ZDHHC13: variants seen among roughly 807,000 people sequenced by gnomAD.
ZDHHC13 encodes the protein palmitoyltransferase ZDHHC13.
A neutral mutation model predicts 86.0 loss-of-function variants in ZDHHC13; 85 were observed. The ratio of observed to expected loss-of-function variants is 0.99; its 90% confidence interval spans 0.83 to 1.18. The LOEUF (loss-of-function observed/expected upper bound fraction) is 1.18, where lower values mean the gene tolerates loss of function less well. Ranked by LOEUF, ZDHHC13 falls within the 50% of genes most tolerant of loss-of-function variation. The pLI, the probability that ZDHHC13 is intolerant of heterozygous loss-of-function variation, is 0.00. For missense variants in ZDHHC13, 711 were observed against 730.2 expected (o/e 0.97, Z 0.30); for synonymous variants, 263 against 246.4 (o/e 1.07, Z -0.63).
At chr11:19,141,607 A>T (rs192918702) in intron 1 of ZDHHC13, among the ~76,000 whole-genome samples, 2 of 152,072 alleles carry the variant, frequency 1.3e-5, no homozygotes, top group East Asian at 3.9e-4. Context: ...AGGCTGTAGT[A>T]ATGGAAAGGA....
chr11:19,140,642 A>C (rs1451607896), intron 1 of ZDHHC13, among the ~76,000 whole-genome samples: 1 of 152,124 alleles, frequency 6.6e-6, no homozygotes, highest in African/African-American at 2.4e-5. Flanking sequence ...CATTATTCAC[A>C]ATAGTGAAGA....
At position 19,164,268 on chromosome 11, in the gene ZDHHC13, A is replaced by G. The variant is rs779580789; in HGVS notation, c.1234-33A>G. ...CATGCATAATACATTTTCCAATAAA[A>G]TGTGGTAATAGGTCAAACTTCATGT... is the stretch of plus-strand genomic sequence containing the variant. On this transcript the variant is annotated intron_variant, in intron 11 of 16. Coordinates refer to ENST00000446113, the MANE Select transcript of ZDHHC13 (RefSeq NM_019028.3). 5.0e-6 allele frequency: 8 copies of G among 1,608,272 alleles called. No homozygotes were observed. The South Asian group carries it at 7.7e-5, about 16-fold the overall frequency.
intron 14 of ZDHHC13, 51 bp downstream of exon 14, chr11:19,166,436 A>G: frequency 6.9e-7 from 1 of 1,451,812 alleles, no homozygotes; most frequent in Non-Finnish European, 9.5e-7. Flanking sequence ...ACCCATTTCT[A>G]CTTTTCCTTG....
At chr11:19,149,135 CTT>C in intron 4 of ZDHHC13, 50 bp from the exon 5 acceptor site, 2 of 1,407,062 alleles carry the variant, frequency 1.4e-6, no homozygotes, top group Non-Finnish European at 1.9e-6. Flanking sequence ...CTCTCCCTGA[CTT>C]TTTGCTTTTT....
chr11:19,166,116 T>G (rs1382440928), intron 13 of ZDHHC13, among the ~76,000 whole-genome samples, 186 bp from the exon 14 acceptor site: 2 of 152,238 alleles, frequency 1.3e-5, no homozygotes, highest in Non-Finnish European at 2.9e-5. Flanking sequence ...TCAGTTAACA[T>G]GGACAATTGA....
intron 11 of ZDHHC13, among the ~76,000 whole-genome samples, chr11:19,163,967 G>A (rs142831736): frequency 4.6e-5 from 7 of 152,168 alleles, no homozygotes; most frequent in African/African-American, 1.4e-4. Flanking sequence ...GTATACTGGT[G>A]GGTTTTTCTT....
chr11:19,140,190 A>T (rs1482118892), intron 1 of ZDHHC13, among the ~76,000 whole-genome samples: 3 of 151,412 alleles, frequency 2.0e-5, no homozygotes, highest in Middle Eastern at 3.2e-3. Flanking sequence ...AATATCCAGA[A>T]TCTACAATGA....
chr11:19,165,468 A>C (rs1238221096), intron 13 of ZDHHC13, among the ~76,000 whole-genome samples: 1 of 152,218 alleles, frequency 6.6e-6, no homozygotes, highest in East Asian at 1.9e-4. Context: ...TCCTGATTCC[A>C]ATGGGTGTTG....
Position 19,122,746 on chromosome 11 carries a change from A to T in ZDHHC13, c.27+5470A>T, listed in dbSNP as rs1326532861. Among the ~76,000 whole-genome samples, 6 of 152,156 alleles carry T rather than the reference A, an allele frequency of 3.9e-5. No individual in the cohort carries two copies. The East Asian group carries it at 1.2e-3, about 29-fold the overall frequency. On this transcript the variant is annotated intron_variant, in intron 1 of 16. Coordinates refer to ENST00000446113, the MANE Select transcript of ZDHHC13 (RefSeq NM_019028.3). ...ATTTGGTAAAGCTTTAAAAACTCAA[A>T]TTTGTAAATTTTATTTTTCCTTTTT... is the stretch of plus-strand genomic sequence containing the variant.
chr11:19,119,201 C>T (rs1848708651), intron 1 of ZDHHC13, among the ~76,000 whole-genome samples: 1 of 152,120 alleles, frequency 6.6e-6, no homozygotes, highest in African/African-American at 2.4e-5. Flanking sequence ...ATCTCCGCCT[C>T]CCGGGTTCAT....
At chr11:19,159,412 G>A (rs1450364528) in intron 10 of ZDHHC13, among the ~76,000 whole-genome samples, 1 of 152,118 alleles carries the variant, frequency 6.6e-6, no homozygotes, top group African/African-American at 2.4e-5. Context: ...AAGACGGACT[G>A]CATGAAAGGG....
At chr11:19,171,585 T>C (rs1363032701) in intron 15 of ZDHHC13, among the ~76,000 whole-genome samples, 1 of 152,178 alleles carries the variant, frequency 6.6e-6, no homozygotes, top group Non-Finnish European at 1.5e-5. Flanking sequence ...CTGACTTCAA[T>C]AGACTCCAGC....
chr11:19,170,404 T>C lies in ZDHHC13; in HGVS notation c.1475-7T>C. On this transcript the variant is annotated splice_region_variant and splice_polypyrimidine_tract_variant and intron_variant, in intron 14 of 16. Transcript: ENST00000446113. ...TTTTTTTTTTTTTTTTTTTGGTGAA[T>C]TCACAGATTTGTCCAGTCATTGTGC... The C allele has an allele frequency of 7.4e-7, 1 of 1,351,090 alleles. No homozygotes were observed. Among genetic ancestry groups the C allele is most frequent in the Non-Finnish European group, 9.8e-7 (1 of 1,016,342 alleles). 83.7% of individuals were successfully genotyped at this position (1,351,090 alleles called of 1,614,324 possible).
rs80287244 is a variant in ZDHHC13, at chr11:19,162,140, T to A, written c.1109-1163T>A. ...GTCTATCATTTGGAAGCCAATGCAC[T>A]ATGTAGAATGGGCACTCAGTAAAAA... On this transcript the variant is annotated intron_variant, in intron 10 of 16. Coordinates refer to ENST00000446113, the MANE Select transcript of ZDHHC13 (RefSeq NM_019028.3). Among the ~76,000 whole-genome samples the A allele has an allele frequency of 9.0e-3, 1,367 of 152,262 alleles. 28 individuals carry two copies. The highest frequency in any genetic ancestry group is 0.031 in the African/African-American group (1,302 of 41,556).
intron 2 of ZDHHC13, among the ~76,000 whole-genome samples, 191 bp downstream of exon 2, chr11:19,143,314 AC>A (rs1849374339): frequency 6.6e-6 from 1 of 152,210 alleles, no homozygotes; most frequent in Non-Finnish European, 1.5e-5. Context: ...ATGTACCAGG[AC>A]GTCCCATTAG....
chr11:19,155,408 C>A (rs964882181), intron 8 of ZDHHC13, among the ~76,000 whole-genome samples: 2 of 151,816 alleles, frequency 1.3e-5, no homozygotes, highest in African/African-American at 4.8e-5. Flanking sequence ...CAGTGAAACC[C>A]CGTCTCTACT....
intron 2 of ZDHHC13, 48 bp downstream of exon 2, chr11:19,143,171 A>C: frequency 1.3e-6 from 2 of 1,563,216 alleles, no homozygotes; most frequent in Non-Finnish European, 1.7e-6. Context: ...TCTAGAATTA[A>C]TAGTAATATA....
chr11:19,158,617 A>G (rs1179107782), intron 9 of ZDHHC13, among the ~76,000 whole-genome samples: 1 of 152,222 alleles, frequency 6.6e-6, no homozygotes, highest in Non-Finnish European at 1.5e-5. Context: ...ATAAAAATAT[A>G]TATCTCATTA....
intron 1 of ZDHHC13, among the ~76,000 whole-genome samples, chr11:19,130,789 T>G (rs1848980191): frequency 6.6e-6 from 1 of 152,098 alleles, no homozygotes; most frequent in African/African-American, 2.4e-5. Context: ...GAAGTCTGAG[T>G]GTATTCTTAT....
Sources: gnomAD v4.1 joint callset for allele counts (sites outside exome capture counted in the v4.1 genomes callset) on GRCh38, gnomAD v4.1.1 for gene constraint, MANE v1.5 for transcripts, NCBI Gene and HGNC (gene_info 2026-07-23, HGNC 2026-07-21) for gene names.